The following BAZ2B variants were observed in gnomAD, a reference collection of about 807,000 sequenced individuals.
BAZ2B encodes the protein bromodomain adjacent to zinc finger domain protein 2B.
Under a neutral mutation model 246.0 loss-of-function variants are expected in BAZ2B, and 91 were observed. The observed-to-expected ratio is 0.37, with a 90% confidence interval of 0.31 to 0.44. The LOEUF (loss-of-function observed/expected upper bound fraction) is 0.44, where lower values mean the gene tolerates loss of function less well. Ranked by LOEUF, BAZ2B falls within the 20% of genes least tolerant of loss-of-function variation. The probability of loss-of-function intolerance (pLI) is 1.00; values close to 1 mark genes in which losing one functional copy is unlikely to be tolerated. For missense variants in BAZ2B, 2,332 were observed against 2,533.7 expected, an observed-to-expected ratio of 0.92 and a Z score of 1.71; for synonymous variants, 855 against 860.0, an observed-to-expected ratio of 0.99 and a Z score of 0.10.
At chr2:159,546,163 C>A (rs749149066) in intron 2 of BAZ2B, among the ~76,000 whole-genome samples, 20 of 152,050 alleles carry the variant, frequency 1.3e-4, no homozygotes, top group Non-Finnish European at 2.2e-4. Flanking sequence ...GCGTCCCTGT[C>A]CAAATCTCAT....
chr2:159,492,425 A>C (rs1269157109), intron 2 of BAZ2B, among the ~76,000 whole-genome samples: 1 of 152,220 alleles, frequency 6.6e-6, no homozygotes, highest in Non-Finnish European at 1.5e-5. Flanking sequence ...CTTTCACTGC[A>C]CTTACCATAT....
At chr2:159,447,098 G>T in intron 5 of BAZ2B, 123 bp from the exon 6 acceptor site, 5 of 678,122 alleles carry the variant, frequency 7.4e-6, no homozygotes, top group Non-Finnish European at 8.9e-6. Context: ...AGACAGAAAA[G>T]GTCATGTTGT....
At chr2:159,450,713 A>C (rs1355003705) in intron 4 of BAZ2B, among the ~76,000 whole-genome samples, 2 of 152,026 alleles carry the variant, frequency 1.3e-5, no homozygotes, top group Admixed American at 6.6e-5. Context: ...ATTCAAAAGA[A>C]AGAACAGCAT....
At chr2:159,329,813 A>G (rs1353779060) in intron 34 of BAZ2B, among the ~76,000 whole-genome samples, 1 of 152,210 alleles carries the variant, frequency 6.6e-6, no homozygotes, top group African/African-American at 2.4e-5. Flanking sequence ...GAGATTACAG[A>G]TCTTATGTCT....
At chr2:159,430,823 T>C in intron 10 of BAZ2B, 40 bp downstream of exon 10, 9 of 1,571,448 alleles carry the variant, frequency 5.7e-6, no homozygotes, top group Non-Finnish European at 7.7e-6. Context: ...TGCTATGGTT[T>C]GACTTCTACT....
At chr2:159,456,800 T>C (rs1258934653) in intron 3 of BAZ2B, among the ~76,000 whole-genome samples, 1 of 152,192 alleles carries the variant, frequency 6.6e-6, no homozygotes, top group Admixed American at 6.5e-5. Context: ...CGTCTATATT[T>C]AGTAAAGTAT....
At chr2:159,682,904 A>ACCCCCCCCC in the BAZ2B span, among the ~76,000 whole-genome samples, 1 of 95,344 alleles carries the variant, frequency 1.0e-5, no homozygotes, top group East Asian at 5.5e-4. Flanking sequence ...ATAAACTGCC[A>ACCCCCCCCC]CCCCTCCCCC....
At chr2:159,678,941 T>C in the BAZ2B span, among the ~76,000 whole-genome samples, 2 of 152,180 alleles carry the variant, frequency 1.3e-5, no homozygotes, top group African/African-American at 4.8e-5. Flanking sequence ...TTTTTGAGAA[T>C]AGTTTCTATG....
Position 159,529,739 on chromosome 2 carries a change from G to A in BAZ2B, c.-3+26084C>T, listed in dbSNP as rs146796575. Among the ~76,000 whole-genome samples, 17 of 152,208 alleles carry A rather than the reference G, an allele frequency of 1.1e-4. No homozygotes were observed. In the East Asian group the frequency reaches 1.5e-3, roughly 14 times the overall value. On this transcript the variant is annotated intron_variant, in intron 2 of 36. Coordinates refer to ENST00000392783, the MANE Select transcript of BAZ2B (RefSeq NM_013450.4). Reference sequence around the variant, plus strand: ...TGAAAAGCTCCATGAGTGCAGAGTCGCTGTTGTTTAGTACCTTATCCTTAG... The same window carrying A: ...TGAAAAGCTCCATGAGTGCAGAGTCACTGTTGTTTAGTACCTTATCCTTAG...
At chr2:159,323,394 T>C (rs2062984721) in intron 36 of BAZ2B, among the ~76,000 whole-genome samples, 1 of 152,236 alleles carries the variant, frequency 6.6e-6, no homozygotes, top group South Asian at 2.1e-4. Context: ...ATCATGGAAG[T>C]TAAAATCAAG....
chr2:159,685,680 T>C, the BAZ2B span, among the ~76,000 whole-genome samples: 2 of 151,620 alleles, frequency 1.3e-5, no homozygotes, highest in African/African-American at 4.8e-5. Context: ...CTGGAATAAT[T>C]TGAGTGACAA....
the BAZ2B span, among the ~76,000 whole-genome samples, chr2:159,645,014 C>A: frequency 6.6e-6 from 1 of 152,290 alleles, no homozygotes; most frequent in South Asian, 2.1e-4. Flanking sequence ...GTGGCTCACA[C>A]GTGTAATCCC....
At chr2:159,701,367 G>C in the BAZ2B span, among the ~76,000 whole-genome samples, 2 of 151,640 alleles carry the variant, frequency 1.3e-5, no homozygotes, top group African/African-American at 4.8e-5. Context: ...AATAATGAAG[G>C]CCACTCTAAT....
chr2:159,345,236 T>G (rs1242993739), intron 31 of BAZ2B, among the ~76,000 whole-genome samples: 1 of 151,850 alleles, frequency 6.6e-6, no homozygotes, highest in Non-Finnish European at 1.5e-5. Context: ...AATACAAAAT[T>G]ATTGGTAGGT....
chr2:159,390,214 T>C (rs1339441606), intron 20 of BAZ2B, among the ~76,000 whole-genome samples: 3 of 152,190 alleles, frequency 2.0e-5, no homozygotes, highest in Admixed American at 1.3e-4. Flanking sequence ...TGGTTTACTT[T>C]TGTAAGGCTG....
chr2:159,669,064 AAAAG>A, the BAZ2B span, among the ~76,000 whole-genome samples: 116 of 151,104 alleles, frequency 7.7e-4, no homozygotes, highest in African/African-American at 2.5e-3. Context: ...TCTCAAAAAA[AAAAG>A]AAAGAAAGAA....
chr2:159,405,174 A>C, intron 14 of BAZ2B, 60 bp from the exon 15 acceptor site: 1 of 1,388,034 alleles, frequency 7.2e-7, no homozygotes, highest in Non-Finnish European at 1.0e-6. Context: ...AACCAAAAAC[A>C]ATAACTGTGT....
chr2:159,709,989 G>GC, the BAZ2B span, among the ~76,000 whole-genome samples: 1 of 116,730 alleles, frequency 8.6e-6, no homozygotes, highest in Non-Finnish European at 2.0e-5. Context: ...GATACAGAAA[G>GC]GTATGTCAGA....
In BAZ2B at chr2:159,477,147, T is replaced by C. The variant is rs139387685; in HGVS notation, c.145+1428A>G. 5.0e-3 allele frequency among the ~76,000 whole-genome samples: 757 copies of C among 152,012 alleles called. 2 individuals are homozygous for C. The highest frequency in any genetic ancestry group is 8.4e-3 in the Non-Finnish European group (574 of 67,962). On this transcript the variant is annotated intron_variant, in intron 3 of 36. Transcript: ENST00000392783. ...GGTGAAACCCCGTCTCTACTAAAAA[T>C]ACAAAAAATTGGCTAGGTGTGGTGG...
Sources: allele counts gnomAD v4.1 joint callset (sites outside exome capture counted in the v4.1 genomes callset), GRCh38; gene constraint gnomAD v4.1.1; transcripts MANE v1.5; gene names NCBI Gene and HGNC (gene_info 2026-07-23, HGNC 2026-07-21).